Variants in RBFOX1 observed in about 807,000 individuals in gnomAD.
RBFOX1 encodes RNA binding protein fox-1 homolog 1.
RBFOX1 carries 8 observed loss-of-function variants against 57.7 expected under a neutral mutation model. That is an observed-to-expected ratio of 0.14 (90% confidence interval 0.08 to 0.25). The LOEUF is 0.25. Ranked by LOEUF, RBFOX1 falls within the 10% of genes least tolerant of loss-of-function variation. The pLI, the probability that RBFOX1 is intolerant of heterozygous loss-of-function variation, is 1.00. For synonymous variants in RBFOX1, 326 were observed against 222.4 expected, an observed-to-expected ratio of 1.47 and a Z score of -4.15; for missense variants, 611 against 548.5, an observed-to-expected ratio of 1.11 and a Z score of -1.14.
intron 5 of RBFOX1, among the ~76,000 whole-genome samples, chr16:7,521,441 C>T (rs977460560): frequency 1.3e-5 from 2 of 152,092 alleles, no homozygotes; most frequent in Non-Finnish European, 2.9e-5. Flanking sequence ...GTTAGTGATG[C>T]CTAGCTTAAA....
intron 4 of RBFOX1, among the ~76,000 whole-genome samples, chr16:7,234,983 C>T (rs2093697052): frequency 6.6e-6 from 1 of 152,066 alleles, no homozygotes; most frequent in African/African-American, 2.4e-5. Context: ...ATTTCTACCT[C>T]TGCAGTCCAA....
intron 2 of RBFOX1, among the ~76,000 whole-genome samples, chr16:6,539,806 G>GACACAGACACACACAC (rs1555534083): frequency 1.5e-5 from 2 of 136,236 alleles, no homozygotes; most frequent in Admixed American, 7.4e-5. Flanking sequence ...TCAAAACACA[G>GACACAGACACACACAC]ACACACACAC....
intron 1 of RBFOX1, among the ~76,000 whole-genome samples, chr16:5,390,207 T>C (rs1567435634): frequency 1.3e-5 from 2 of 152,046 alleles, no homozygotes; most frequent in South Asian, 2.1e-4. Context: ...GCACTACATA[T>C]AGTGTTTATA....
chr16:5,265,597 G>A (rs2062838461), intron 1 of RBFOX1, among the ~76,000 whole-genome samples: 1 of 152,202 alleles, frequency 6.6e-6, no homozygotes, highest in African/African-American at 2.4e-5. Context: ...AATATGTGTA[G>A]CTCAGGAGGT....
intron 3 of RBFOX1, among the ~76,000 whole-genome samples, chr16:5,856,530 T>C (rs2057063045): frequency 3.4e-5 from 2 of 59,110 alleles, no homozygotes; most frequent in Admixed American, 3.9e-4. Flanking sequence ...CTCATTCATA[T>C]ATGTGTATGT....
At chr16:6,075,162 A>G (rs2095880573) in intron 1 of RBFOX1, among the ~76,000 whole-genome samples, 1 of 152,200 alleles carries the variant, frequency 6.6e-6, no homozygotes, top group South Asian at 2.1e-4. Flanking sequence ...CATGACTTGA[A>G]CAACGTCAGA....
intron 3 of RBFOX1, among the ~76,000 whole-genome samples, chr16:6,945,522 C>G (rs2079330912): frequency 6.6e-6 from 1 of 151,766 alleles, no homozygotes. Flanking sequence ...GAAAACACTA[C>G]CTGACCATGT....
chr16:7,216,717 A>C (rs1288346305), intron 4 of RBFOX1, among the ~76,000 whole-genome samples: 1 of 152,202 alleles, frequency 6.6e-6, no homozygotes. Flanking sequence ...AGCACAGCAC[A>C]TAGAATGTAA....
intron 4 of RBFOX1, among the ~76,000 whole-genome samples, chr16:7,223,828 T>A (rs74785334): frequency 2.6e-4 from 3 of 11,416 alleles, no homozygotes; most frequent in South Asian, 3.0e-3. Flanking sequence ...AAAAGAGCAT[T>A]TTTTTTTTGG....
At chr16:7,664,635 T>C (rs2068696576) in intron 12 of RBFOX1, 1 of 444,138 alleles carries the variant, frequency 2.3e-6, no homozygotes, top group Non-Finnish European at 4.0e-6. Flanking sequence ...CAGTCCTCTT[T>C]GCATTTCAAA....
At chr16:6,294,903 A>C (rs1403583013) in intron 1 of RBFOX1, among the ~76,000 whole-genome samples, 1 of 152,164 alleles carries the variant, frequency 6.6e-6, no homozygotes, top group Non-Finnish European at 1.5e-5. Context: ...GCTGATAAAA[A>C]AAGATACATG....
At chr16:5,814,802 G>C (rs965860845) in intron 3 of RBFOX1, among the ~76,000 whole-genome samples, 1 of 152,108 alleles carries the variant, frequency 6.6e-6, no homozygotes, top group Non-Finnish European at 1.5e-5. Context: ...GGTGGAGGGC[G>C]CCTGTAGTCC....
intron 5 of RBFOX1, among the ~76,000 whole-genome samples, chr16:7,542,643 C>T (rs1212538699): frequency 3.4e-5 from 5 of 145,106 alleles, no homozygotes; most frequent in Non-Finnish European, 1.5e-5. Flanking sequence ...TCACTTGAAG[C>T]CAGGAGTTTG....
chr16:6,215,462 G>A (rs2097330051), intron 1 of RBFOX1, among the ~76,000 whole-genome samples: 1 of 151,228 alleles, frequency 6.6e-6, no homozygotes, highest in South Asian at 2.1e-4. Flanking sequence ...GGAAGAGAGG[G>A]AGAGGGGGAG....
chr16:6,598,154 A>G (rs565943726), intron 2 of RBFOX1, among the ~76,000 whole-genome samples: 2 of 152,372 alleles, frequency 1.3e-5, no homozygotes, highest in Non-Finnish European at 1.5e-5. Context: ...TCACACACAC[A>G]TCTGTTTCCT....
chr16:6,034,875 G>T (rs939408217), intron 1 of RBFOX1, among the ~76,000 whole-genome samples: 1 of 152,074 alleles, frequency 6.6e-6, no homozygotes, highest in Admixed American at 6.5e-5. Flanking sequence ...TTTGCTTAGG[G>T]TTACAGGGTG....
At chr16:7,159,433 C>T (rs11642586) in intron 4 of RBFOX1, among the ~76,000 whole-genome samples, 67,870 of 151,922 alleles carry the variant, frequency 0.45, 15,466 homozygotes, top group Admixed American at 0.55. Context: ...ATCTATGTCA[C>T]TCTAGAGATC....
chr16:6,076,184 A>T (rs1161113052), intron 1 of RBFOX1, among the ~76,000 whole-genome samples: 5 of 151,944 alleles, frequency 3.3e-5, no homozygotes, highest in Non-Finnish European at 5.9e-5. Flanking sequence ...CTATCATCCC[A>T]GCTACTCGGG....
In RBFOX1 at chr16:6,476,507, A is replaced by G. The variant is rs7199935; in HGVS notation, c.-64+159450A>G. 9.9e-4 allele frequency among the ~76,000 whole-genome samples: 151 copies of G among 152,212 alleles called. 1 individual carries two copies. Among genetic ancestry groups the G allele is most frequent in the African/African-American group, 3.3e-3 (139 of 41,550 alleles). On this transcript the variant is annotated intron_variant, in intron 2 of 15. Transcript: ENST00000550418. ...TGTAGTCTATTAAGTGTGCAATAGCATTGTATCTAAAAAACGACGTGCATA... is the reference window on the plus strand; with the variant it reads ...TGTAGTCTATTAAGTGTGCAATAGCGTTGTATCTAAAAAACGACGTGCATA...
Sources: gnomAD v4.1 joint callset for allele counts (sites outside exome capture counted in the v4.1 genomes callset) on GRCh38, gnomAD v4.1.1 for gene constraint, MANE v1.5 for transcripts, NCBI Gene and HGNC (gene_info 2026-07-23, HGNC 2026-07-21) for gene names.